The following PEX14 variants were observed in gnomAD, a reference collection of about 807,000 sequenced individuals.
The protein encoded by PEX14 is peroxisomal biogenesis factor 14.
A neutral mutation model predicts 49.5 loss-of-function variants in PEX14; 15 were observed. The ratio of observed to expected loss-of-function variants is 0.30; its 90% confidence interval spans 0.20 to 0.47. PEX14 has a LOEUF of 0.47. Among genes scored for constraint, PEX14 ranks in the 20% least tolerant of loss-of-function variants. PEX14 has a pLI of 1.00. For synonymous variants in PEX14, 210 were observed against 212.7 expected (o/e 0.99, Z 0.11); for missense variants, 398 against 494.8 (o/e 0.80, Z 1.86).
chr1:10,481,417 C>T (rs889524162), intron 1 of PEX14, among the ~76,000 whole-genome samples: 9 of 151,848 alleles, frequency 5.9e-5, no homozygotes, highest in Non-Finnish European at 1.3e-4. Context: ...TGGGAGCCAC[C>T]GCGTCCAGCC....
intron 4 of PEX14, among the ~76,000 whole-genome samples, chr1:10,607,213 G>A (rs1360813741): frequency 3.3e-5 from 5 of 151,938 alleles, no homozygotes; most frequent in Admixed American, 1.3e-4. Context: ...ATTGCTGTGC[G>A]CATCCGAAGC....
Position 10,630,068 on chromosome 1 carries a change from C to A in PEX14, c.*81C>A. ...CCATACCCTGCCTCCCTCTCTGGCC[C>A]TGGGAGGGCAGCTTGGAGCCCAGGT... On this transcript the variant is annotated 3_prime_UTR_variant, in exon 9 of 9. Transcript: ENST00000356607. The surrounding 1 kb of genome is among the most constrained non-coding windows in gnomAD (Gnocchi z 4.1). The A allele has an allele frequency of 6.3e-7, 1 of 1,582,382 alleles. No homozygotes were observed. Among genetic ancestry groups the A allele is most frequent in the Non-Finnish European group, 8.5e-7 (1 of 1,170,820 alleles).
intron 4 of PEX14, among the ~76,000 whole-genome samples, chr1:10,604,718 A>G (rs1258446491): frequency 1.3e-5 from 2 of 152,252 alleles, no homozygotes; most frequent in Non-Finnish European, 2.9e-5. Flanking sequence ...GCTCCGACAG[A>G]GGACAGCCAA....
chr1:10,589,828 G>T (rs1044911061), intron 3 of PEX14, among the ~76,000 whole-genome samples: 1 of 152,182 alleles, frequency 6.6e-6, no homozygotes, highest in Non-Finnish European at 1.5e-5. Flanking sequence ...GACTTCCAAA[G>T]TTTCTCAGTT....
At chr1:10,498,934 G>T (rs1042093230) in intron 2 of PEX14, among the ~76,000 whole-genome samples, 1 of 152,232 alleles carries the variant, frequency 6.6e-6, no homozygotes. Context: ...ACAGACTCTG[G>T]TTTTCTAGCC....
intron 2 of PEX14, among the ~76,000 whole-genome samples, chr1:10,518,411 G>T (rs1465266595): frequency 1.3e-5 from 2 of 152,146 alleles, no homozygotes; most frequent in African/African-American, 4.8e-5. Context: ...CAGTGGTTTT[G>T]TCTCCTTGGG....
intron 3 of PEX14, among the ~76,000 whole-genome samples, chr1:10,554,046 T>C (rs1217997973): frequency 2.0e-5 from 3 of 151,466 alleles, no homozygotes; most frequent in South Asian, 4.2e-4. Context: ...TCCCAGCCCT[T>C]TGGGAGGCCG....
Position 10,629,478 on chromosome 1 carries a change from A to T in PEX14, c.678-53A>T, listed in dbSNP as rs1641845611. ...GGTCAGGGAAGGCGTGGCCCTTCGAAGGGGGGCGTCCTGAATGCCGCCACC... is the reference window on the plus strand; with the variant it reads ...GGTCAGGGAAGGCGTGGCCCTTCGATGGGGGGCGTCCTGAATGCCGCCACC... On this transcript the variant is annotated intron_variant, in intron 8 of 8. Coordinates refer to ENST00000356607, the MANE Select transcript of PEX14 (RefSeq NM_004565.3). This position sits in a 1 kb window ranked among gnomAD's most constrained non-coding sequence, Gnocchi z 8.5. 1.5e-6 allele frequency: 2 copies of T among 1,312,648 alleles called. No homozygotes were observed. Among genetic ancestry groups the T allele is most frequent in the Admixed American group, 1.7e-5 (1 of 59,470 alleles). The allele number at this position is 1,312,648 out of a possible 1,614,324, so 81.3% of individuals were successfully genotyped here.
At chr1:10,605,859 G>A (rs987858889) in intron 4 of PEX14, among the ~76,000 whole-genome samples, 9 of 152,142 alleles carry the variant, frequency 5.9e-5, no homozygotes, top group Admixed American at 2.6e-4. Flanking sequence ...CCGTGGTGCC[G>A]GTTTGGATTA....
chr1:10,508,230 G>A (rs1641821642), intron 2 of PEX14, among the ~76,000 whole-genome samples: 1 of 151,554 alleles, frequency 6.6e-6, no homozygotes, highest in Non-Finnish European at 1.5e-5. Context: ...TTTTTGAGAC[G>A]GAGTCTCGCT....
In PEX14 at chr1:10,539,219, G is replaced by A. The variant is rs1638930866; in HGVS notation, c.169+2922G>A. Among the ~76,000 whole-genome samples the A allele has an allele frequency of 1.3e-5, 2 of 152,216 alleles. No individual in the cohort carries two copies. Among genetic ancestry groups the A allele is most frequent in the Admixed American group, 1.3e-4 (2 of 15,294 alleles). On this transcript the variant is annotated intron_variant, in intron 3 of 8. Transcript: ENST00000356607. The surrounding 1 kb of genome is among the most constrained non-coding windows in gnomAD (Gnocchi z 4.6). The stretch of plus-strand genomic sequence containing the variant: ...CTGGGTGAGGGTGAGTAGGGAATGA[G>A]TGGTATAGGGATGGAAGAGCATTGG...
At chr1:10,621,450 G>A (rs1175568027) in intron 5 of PEX14, among the ~76,000 whole-genome samples, 1 of 150,668 alleles carries the variant, frequency 6.6e-6, no homozygotes, top group African/African-American at 2.4e-5. Flanking sequence ...GGGTTCAAGC[G>A]ATTCTCCAGC....
chr1:10,487,421 C>T (rs1455783867), intron 1 of PEX14, among the ~76,000 whole-genome samples: 1 of 144,574 alleles, frequency 6.9e-6, no homozygotes, highest in Non-Finnish European at 1.5e-5. Context: ...GTAAAGCCAT[C>T]TGGACGTAGA....
chr1:10,483,448 C>G (rs1194671719), intron 1 of PEX14, among the ~76,000 whole-genome samples: 2 of 152,160 alleles, frequency 1.3e-5, no homozygotes, highest in African/African-American at 2.4e-5. Context: ...TCCGGAGTAG[C>G]TGGGACTGCA....
chr1:10,486,336 C>T (rs1641366737), intron 1 of PEX14, among the ~76,000 whole-genome samples: 1 of 147,680 alleles, frequency 6.8e-6, no homozygotes. Flanking sequence ...TGAAGAAATT[C>T]AACCTTCATT....
rs935971896 is a variant in PEX14, at chr1:10,630,183, GCCAGCCCCAGCC to G, written c.*213_*224del. 6.0e-6 allele frequency: 5 copies of G among 828,286 alleles called. No individual in the cohort carries two copies. Among genetic ancestry groups the G allele is most frequent in the East Asian group, 2.7e-5 (1 of 37,038 alleles). The allele number at this position is 828,286 out of a possible 1,614,324, so 51.3% of individuals were successfully genotyped here. On this transcript the variant is annotated 3_prime_UTR_variant, in exon 9 of 9. Coordinates refer to ENST00000356607, the MANE Select transcript of PEX14 (RefSeq NM_004565.3). This position sits in a 1 kb window ranked among gnomAD's most constrained non-coding sequence, Gnocchi z 4.1. Reference sequence around the variant, plus strand: ...CCACCTGGCCTCCTCTCGCCTGGCCGCCAGCCCCAGCCCCAGCCCCAGCCCCAGGCCCAGCTG... The same window carrying G: ...CCACCTGGCCTCCTCTCGCCTGGCCGCCAGCCCCAGCCCCAGGCCCAGCTG...
intron 4 of PEX14, among the ~76,000 whole-genome samples, chr1:10,614,636 T>TCAGCCAAGTCA (rs1641362093): frequency 1.3e-5 from 2 of 152,186 alleles, no homozygotes; most frequent in African/African-American, 4.8e-5. Context: ...GGTCAAGCTT[T>TCAGCCAAGTCA]CAGCCAAGTC....
At chr1:10,506,909 T>C (rs1300622025) in intron 2 of PEX14, among the ~76,000 whole-genome samples, 2 of 152,228 alleles carry the variant, frequency 1.3e-5, no homozygotes, top group East Asian at 3.8e-4. Context: ...AGTGACTGAA[T>C]GTTTATAGGT....
chr1:10,542,873 C>T (rs1238916115), intron 3 of PEX14, among the ~76,000 whole-genome samples: 1 of 152,142 alleles, frequency 6.6e-6, no homozygotes, highest in Admixed American at 6.5e-5. Context: ...TTGTCGTATA[C>T]ATTGTTGAAC....
Sources: allele counts gnomAD v4.1 joint callset (sites outside exome capture counted in the v4.1 genomes callset), GRCh38; gene constraint gnomAD v4.1.1; non-coding constraint Gnocchi (gnomAD v3.1); transcripts MANE v1.5; gene names NCBI Gene and HGNC (gene_info 2026-07-23, HGNC 2026-07-21).